IGF2BP2: variants seen among roughly 807,000 people sequenced by gnomAD.
IGF2BP2 encodes the protein insulin like growth factor 2 mRNA binding protein 2, also known as insulin-like growth factor 2 mRNA-binding protein 2.
In IGF2BP2, 17 loss-of-function variants were observed where a neutral mutation model predicts 75.8. The observed-to-expected ratio is 0.22, with a 90% CI of 0.15 to 0.34. The LOEUF is 0.34. IGF2BP2 is among the 10% of genes least tolerant of loss of function. The pLI is 1.00. For missense variants in IGF2BP2, 516 were observed against 772.4 expected (o/e 0.67, Z 3.93); for synonymous variants, 288 against 295.6 (o/e 0.97, Z 0.26).
rs1448017268 is a variant in IGF2BP2, at chr3:185,644,953, T to C, written c.*578A>G. 1 of 152,408 alleles carries C rather than the reference T, an allele frequency of 6.6e-6. No individual in the cohort carries two copies. The highest frequency in any genetic ancestry group is 6.5e-5 in the Admixed American group (1 of 15,274). 9.4% of individuals were successfully genotyped at this position (152,408 alleles called of 1,614,324 possible). ...ACACCGTGAGACCTCCCAAAGACTT[T>C]ATTCTTTAAAGTCTAGAAAAGCCTG... On this transcript the variant is annotated 3_prime_UTR_variant, in exon 16 of 16. Transcript: ENST00000382199.
In IGF2BP2 at chr3:185,672,524, C is replaced by T. The variant is rs1336336885; in HGVS notation, c.1200+17G>A. ...TGCCCAGCGCATAAGCAAACCTCCA[C>T]AAGCTGAGCTACTTACAGTGAAGGG... On this transcript the variant is annotated intron_variant, in intron 10 of 15. Transcript: ENST00000382199. 3 of 1,609,774 alleles carry T rather than the reference C, an allele frequency of 1.9e-6. No individual in the cohort carries two copies. The highest frequency in any genetic ancestry group is 1.7e-6 in the Non-Finnish European group (2 of 1,178,130).
At chr3:185,676,548 T>C (rs1395195632) in intron 7 of IGF2BP2, among the ~76,000 whole-genome samples, 1 of 151,876 alleles carries the variant, frequency 6.6e-6, no homozygotes, top group East Asian at 1.9e-4. Context: ...TAGTGGTGCA[T>C]ACCTGTAGTC....
intron 2 of IGF2BP2, among the ~76,000 whole-genome samples, chr3:185,745,611 C>T (rs552235831): frequency 6.6e-6 from 1 of 152,254 alleles, no homozygotes; most frequent in East Asian, 1.9e-4. Context: ...GGAAATGAGT[C>T]CAACCGTCTT....
intron 2 of IGF2BP2, among the ~76,000 whole-genome samples, chr3:185,735,415 G>C (rs956083157): frequency 2.0e-5 from 3 of 152,072 alleles, no homozygotes; most frequent in Non-Finnish European, 4.4e-5. Context: ...CAAAGTGCTG[G>C]GATTACAGGC....
chr3:185,677,016 TATGGAGAGAGATATATATATATATGGAG>T (rs1345714767), intron 7 of IGF2BP2, among the ~76,000 whole-genome samples: 12 of 109,290 alleles, frequency 1.1e-4, no homozygotes, highest in African/African-American at 4.0e-4. Context: ...AGATTATATA[TATGGAGAGAGATATATATATATATGGAG>T]ATATATATAT....
chr3:185,763,360 G>A (rs962208914), intron 2 of IGF2BP2, among the ~76,000 whole-genome samples: 2 of 152,162 alleles, frequency 1.3e-5, no homozygotes, highest in Non-Finnish European at 2.9e-5. Flanking sequence ...CCCTGGTCAT[G>A]TAATTGTTCC....
chr3:185,809,550 A>G (rs1424800489), intron 2 of IGF2BP2, among the ~76,000 whole-genome samples: 1 of 152,204 alleles, frequency 6.6e-6, no homozygotes. Context: ...GGATCACCTG[A>G]GCACTGGAAG....
intron 1 of IGF2BP2, among the ~76,000 whole-genome samples, chr3:185,824,003 C>T (rs1177907600): frequency 6.6e-6 from 1 of 152,146 alleles, no homozygotes; most frequent in Non-Finnish European, 1.5e-5. Context: ...GTGCTTCTGG[C>T]CGAGCGGGAG....
At chr3:185,725,126 G>A (rs1205310797) in intron 2 of IGF2BP2, 2 of 152,132 alleles carry the variant, frequency 1.3e-5, no homozygotes, top group Non-Finnish European at 2.9e-5. Context: ...CCCAGCAGAG[G>A]CCTCAGACAT....
At chr3:185,656,713 C>T (rs1173834185) in intron 12 of IGF2BP2, among the ~76,000 whole-genome samples, 3 of 152,218 alleles carry the variant, frequency 2.0e-5, no homozygotes, top group African/African-American at 7.2e-5. Context: ...CCACACTGTG[C>T]TCAAGGAGGC....
At chr3:185,731,991 AAAG>A (rs1203754706) in intron 2 of IGF2BP2, among the ~76,000 whole-genome samples, 1 of 152,112 alleles carries the variant, frequency 6.6e-6, no homozygotes, top group Non-Finnish European at 1.5e-5. Context: ...CAAAAAAAAA[AAAG>A]ATCATTCCGG....
At chr3:185,767,493 C>T (rs1025877329) in intron 2 of IGF2BP2, among the ~76,000 whole-genome samples, 1 of 152,128 alleles carries the variant, frequency 6.6e-6, no homozygotes, top group Non-Finnish European at 1.5e-5. Flanking sequence ...TTCTTTACTA[C>T]AGGACTTCTC....
chr3:185,668,402 CG>C, intron 10 of IGF2BP2, among the ~76,000 whole-genome samples: 1 of 149,818 alleles, frequency 6.7e-6, no homozygotes, highest in East Asian at 2.0e-4. Flanking sequence ...ACTTCTAGGG[CG>C]GGGGTATTGG....
chr3:185,739,409 C>T (rs1729245788), intron 2 of IGF2BP2, among the ~76,000 whole-genome samples: 1 of 152,206 alleles, frequency 6.6e-6, no homozygotes, highest in African/African-American at 2.4e-5. Context: ...TTCTTTTAAA[C>T]TAAGTCCTTC....
At position 185,657,334 on chromosome 3, in the gene IGF2BP2, C is replaced by T. The variant is rs1029748663; in HGVS notation, c.1338G>A (p.Lys446=). The T allele has an allele frequency of 1.2e-6, 2 of 1,614,054 alleles. No individual in the cohort carries two copies. The highest frequency in any genetic ancestry group is 1.7e-6 in the Non-Finnish European group (2 of 1,179,974). The change falls in exon 12 of 16, where the codon AAG becomes AAA. Residue 446 remains lysine (K), a synonymous_variant. Transcript: ENST00000382199. ...TQAVGAIIGK[K]GAHIKQLARF... ...TCGCCAGCTGTTTGATGTGTGCCCC[C>T]TTCTTCCCGATGATGGCGCCCACAG...
In IGF2BP2 at chr3:185,764,224, G is replaced by GA. The variant is rs899445749; in HGVS notation, c.239+58928dup. ...TTATCACCAGAAAGCTCATCACTCAGAAAAAAAAAATTGCTAATATTTTGG... is the reference window on the plus strand; with the variant it reads ...TTATCACCAGAAAGCTCATCACTCAGAAAAAAAAAAATTGCTAATATTTTGG... On this transcript the variant is annotated intron_variant, in intron 2 of 15. Transcript: ENST00000382199. Among the ~76,000 whole-genome samples the GA allele has an allele frequency of 1.6e-3, 246 of 150,082 alleles. 1 individual carries two copies. The highest frequency in any genetic ancestry group is 5.5e-3 in the South Asian group (26 of 4,712).
chr3:185,756,598 A>G (rs1344359643), intron 2 of IGF2BP2, among the ~76,000 whole-genome samples: 2 of 152,086 alleles, frequency 1.3e-5, no homozygotes, highest in African/African-American at 2.4e-5. Context: ...ACATATCTAT[A>G]AGCTCTTAAC....
chr3:185,806,359 T>C (rs1035981630), intron 2 of IGF2BP2, among the ~76,000 whole-genome samples: 15 of 152,192 alleles, frequency 9.9e-5, no homozygotes, highest in African/African-American at 3.1e-4. Flanking sequence ...TATTTACCCG[T>C]AGTGTTTTTT....
At chr3:185,646,153 G>A (rs1713496048) in intron 15 of IGF2BP2, among the ~76,000 whole-genome samples, 1 of 152,222 alleles carries the variant, frequency 6.6e-6, no homozygotes, top group Non-Finnish European at 1.5e-5. Context: ...GGAACAGGCT[G>A]TTCAGACACA....
Sources: allele counts gnomAD v4.1 joint callset (sites outside exome capture counted in the v4.1 genomes callset), GRCh38; gene constraint gnomAD v4.1.1; transcripts MANE v1.5; gene names NCBI Gene and HGNC (gene_info 2026-07-23, HGNC 2026-07-21).